Variants in CDYL observed in about 807,000 individuals in gnomAD.
CDYL encodes the protein chromodomain Y-like protein.
A neutral mutation model predicts 47.3 loss-of-function variants in CDYL; 8 were observed. That is an observed-to-expected ratio of 0.17 (90% CI 0.10 to 0.31). CDYL has a LOEUF of 0.31. Ranked by LOEUF, CDYL falls within the 10% of genes least tolerant of loss-of-function variation. The pLI is 1.00. For synonymous variants in CDYL, 266 were observed against 265.0 expected, an observed-to-expected ratio of 1.00 and a Z score of -0.04; for missense variants, 471 against 701.4, an observed-to-expected ratio of 0.67 and a Z score of 3.71.
chr6:4,876,474 A>G (rs563363370), intron 1 of CDYL, among the ~76,000 whole-genome samples: 12 of 152,252 alleles, frequency 7.9e-5, no homozygotes, highest in Admixed American at 3.3e-4. Flanking sequence ...TGAATGTCCT[A>G]GTTGCTTACC....
At chr6:4,773,500 A>C (rs962151338), upstream of CDYL, among the ~76,000 whole-genome samples, 1 of 152,240 alleles carries the variant, frequency 6.6e-6, no homozygotes, top group African/African-American at 2.4e-5. The surrounding 1 kb of genome is among the most constrained non-coding windows in gnomAD (Gnocchi z 4.6). Flanking sequence ...TGCTGGTAAA[A>C]TGTTTATATA....
intron 1 of CDYL, among the ~76,000 whole-genome samples, chr6:4,829,382 TG>T (rs1158240548): frequency 3.3e-5 from 5 of 152,202 alleles, no homozygotes; most frequent in Non-Finnish European, 7.3e-5. Context: ...GAGATTTCTT[TG>T]GAAGCCTGGA....
chr6:4,804,435 G>A (rs976342914), intron 1 of CDYL, among the ~76,000 whole-genome samples: 4 of 152,200 alleles, frequency 2.6e-5, no homozygotes, highest in Non-Finnish European at 5.9e-5. Flanking sequence ...TGAAATAGAA[G>A]TACAGTTCAG....
intron 1 of CDYL, among the ~76,000 whole-genome samples, chr6:4,788,480 CA>C (rs1220969716): frequency 0.055 from 3,318 of 60,822 alleles, 22 homozygotes; most frequent in African/African-American, 0.086. Context: ...GAGACTCTGT[CA>C]AAAAAAAAAA....
At chr6:4,801,539 C>T (rs1023948880) in intron 1 of CDYL, among the ~76,000 whole-genome samples, 1 of 152,212 alleles carries the variant, frequency 6.6e-6, no homozygotes, top group African/African-American at 2.4e-5. Context: ...GGTCAAACTA[C>T]ACACTTTGTT....
intron 2 of CDYL, among the ~76,000 whole-genome samples, chr6:4,909,630 C>T (rs1481171423): frequency 1.3e-5 from 2 of 152,134 alleles, no homozygotes; most frequent in Admixed American, 1.3e-4. Flanking sequence ...AGTGCAGTAG[C>T]ACCATCTCAG....
chr6:4,879,837 G>A (rs1761716906), intron 1 of CDYL, among the ~76,000 whole-genome samples: 1 of 152,110 alleles, frequency 6.6e-6, no homozygotes, highest in African/African-American at 2.4e-5. Flanking sequence ...TGGGATTACA[G>A]GCATGAGCCA....
chr6:4,818,784 G>A (rs771746673), intron 1 of CDYL, among the ~76,000 whole-genome samples: 84 of 152,302 alleles, frequency 5.5e-4, no homozygotes, highest in Non-Finnish European at 8.7e-4. Context: ...CAATTGCTTA[G>A]CATGAAAACT....
At chr6:4,712,066 G>T (rs1285607596) in intron 1 of CDYL, among the ~76,000 whole-genome samples, 1 of 151,938 alleles carries the variant, frequency 6.6e-6, no homozygotes, top group Non-Finnish European at 1.5e-5. Flanking sequence ...CCGTCTCAAA[G>T]AAACAAAAAT....
chr6:4,795,275 G>A (rs909418625), intron 1 of CDYL, among the ~76,000 whole-genome samples: 1 of 151,920 alleles, frequency 6.6e-6, no homozygotes, highest in African/African-American at 2.4e-5. Context: ...ATTTTCTGAT[G>A]TTGAGCCATC....
At chr6:4,776,125 G>C (rs1244195207), upstream of CDYL, among the ~76,000 whole-genome samples, 3 of 149,670 alleles carry the variant, frequency 2.0e-5, no homozygotes, top group Non-Finnish European at 4.5e-5. Flanking sequence ...CCCCGCAAGC[G>C]GGACTGGGGA....
intron 1 of CDYL, among the ~76,000 whole-genome samples, chr6:4,801,471 T>C (rs1303327772): frequency 6.6e-6 from 1 of 152,240 alleles, no homozygotes; most frequent in East Asian, 1.9e-4. Context: ...GTCTGAACTC[T>C]TGTGTTCTTC....
chr6:4,816,233 G>A (rs997962971), intron 1 of CDYL, among the ~76,000 whole-genome samples: 20 of 150,632 alleles, frequency 1.3e-4, no homozygotes, highest in African/African-American at 3.4e-4. Context: ...CATCAAGCAC[G>A]CAAATCTCTC....
chr6:4,800,755 A>G (rs1561643831), intron 1 of CDYL, among the ~76,000 whole-genome samples: 1 of 152,198 alleles, frequency 6.6e-6, no homozygotes, highest in African/African-American at 2.4e-5. Context: ...ATGTGGTCCC[A>G]GTGTCTTCAG....
chr6:4,841,325 A>C (rs762139551), intron 1 of CDYL, among the ~76,000 whole-genome samples: 4 of 151,602 alleles, frequency 2.6e-5, no homozygotes, highest in Non-Finnish European at 4.4e-5. Context: ...CACTAATTTT[A>C]TTTATCTTTT....
At chr6:4,816,498 C>CT (rs1332068497) in intron 1 of CDYL, among the ~76,000 whole-genome samples, 8,791 of 127,610 alleles carry the variant, frequency 0.069, 595 homozygotes, top group African/African-American at 0.17. Flanking sequence ...TTCTTTCTTT[C>CT]TTTTTTTTTT....
Position 4,801,361 on chromosome 6 carries a change from AC to A in CDYL, c.24+24555del, listed in dbSNP as rs1185806310. On this transcript the variant is annotated intron_variant, in intron 1 of 6. Transcript: ENST00000397588. ...TCTGTTAAATCCAACATTTCGGCTC[AC>A]TTGGAATCAGTTTCTGTTGACTATC... 1.6e-4 allele frequency among the ~76,000 whole-genome samples: 24 copies of A among 152,302 alleles called. 1 individual carries two copies. The highest frequency in any genetic ancestry group is 1.3e-3 in the Admixed American group (20 of 15,292).
chr6:4,725,095 G>C (rs748978458), intron 2 of CDYL, among the ~76,000 whole-genome samples: 7 of 152,106 alleles, frequency 4.6e-5, no homozygotes, highest in Non-Finnish European at 8.8e-5. Flanking sequence ...ACAGAGTGTC[G>C]ATTGCTGCAT....
intron 1 of CDYL, among the ~76,000 whole-genome samples, chr6:4,848,316 T>C (rs575702884): frequency 6.6e-6 from 1 of 152,278 alleles, no homozygotes; most frequent in African/African-American, 2.4e-5. Context: ...TTCTTGGTGC[T>C]TTTTTTCCAG....
Sources: gnomAD v4.1 joint callset for allele counts (sites outside exome capture counted in the v4.1 genomes callset) on GRCh38, gnomAD v4.1.1 for gene constraint, Gnocchi (gnomAD v3.1) non-coding constraint, MANE v1.5 for transcripts, NCBI Gene and HGNC (gene_info 2026-07-23, HGNC 2026-07-21) for gene names.